The following GRAMD2B variants were observed in gnomAD, a reference collection of about 807,000 sequenced individuals.
The protein encoded by GRAMD2B is GRAM domain-containing protein 2B.
GRAMD2B carries 41 observed loss-of-function variants against 59.2 expected under a neutral mutation model. That is an observed-to-expected ratio of 0.69 (90% CI 0.54 to 0.90). The LOEUF (loss-of-function observed/expected upper bound fraction) is 0.90. Among genes scored for constraint, GRAMD2B ranks in the 40% least tolerant of loss-of-function variants. The pLI is 0.00. For synonymous variants in GRAMD2B, 161 were observed against 182.7 expected, an observed-to-expected ratio of 0.88 and a Z score of 0.96; for missense variants, 424 against 500.5, an observed-to-expected ratio of 0.85 and a Z score of 1.46.
At chr5:126,368,413 T>C (rs1394892922), upstream of GRAMD2B, among the ~76,000 whole-genome samples, 2 of 152,242 alleles carry the variant, frequency 1.3e-5, no homozygotes, top group Non-Finnish European at 1.5e-5. Context: ...TCAATGATCA[T>C]GTACTATCAA....
rs1773456271 is a variant in GRAMD2B, at chr5:126,488,964, G to A, written c.1257+72G>A. On this transcript the variant is annotated intron_variant, in intron 13 of 13. Coordinates refer to ENST00000285689, the MANE Select transcript of GRAMD2B (RefSeq NM_023927.4). ...GTTGGTTGCCCTAGGTCAGGTCAGG[G>A]ATTACACACTCAGACGCCGTTAGTG... 3 of 1,035,846 alleles carry A rather than the reference G, an allele frequency of 2.9e-6. No individual in the cohort carries two copies. The East Asian group carries it at 7.4e-5, about 26-fold the overall frequency. The allele number at this position is 1,035,846 out of a possible 1,614,324, so 64.2% of individuals were successfully genotyped here.
At chr5:126,379,039 C>T (rs1755438947) in intron 1 of GRAMD2B, among the ~76,000 whole-genome samples, 1 of 152,034 alleles carries the variant, frequency 6.6e-6, no homozygotes, top group Non-Finnish European at 1.5e-5. Flanking sequence ...AATGTGTAGT[C>T]CTTTATCCCT....
intron 1 of GRAMD2B, among the ~76,000 whole-genome samples, chr5:126,430,964 A>G (rs1761468179): frequency 6.6e-6 from 1 of 152,204 alleles, no homozygotes; most frequent in Non-Finnish European, 1.5e-5. Flanking sequence ...TTGGAACATA[A>G]TCTTCCCATA....
At chr5:126,390,228 G>T (rs2149717656) in intron 1 of GRAMD2B, among the ~76,000 whole-genome samples, 1 of 152,206 alleles carries the variant, frequency 6.6e-6, no homozygotes, top group East Asian at 1.9e-4. Context: ...TAATAAAAAA[G>T]AATGTGTTTA....
intron 3 of GRAMD2B, 124 bp downstream of exon 3, chr5:126,469,912 G>A (rs2126817237): frequency 1.6e-6 from 1 of 644,844 alleles, no homozygotes; most frequent in Non-Finnish European, 2.7e-6. Context: ...AGAGTTTAGA[G>A]AATTTAGAAG....
chr5:126,382,716 G>C (rs545097298), intron 1 of GRAMD2B, among the ~76,000 whole-genome samples: 1 of 152,188 alleles, frequency 6.6e-6, no homozygotes, highest in South Asian at 2.1e-4. Flanking sequence ...TTCCTGGTTT[G>C]GATCCATTGC....
Position 126,492,977 on chromosome 5 carries a change from A to T in GRAMD2B, c.*21A>T, listed in dbSNP as rs750741888. ...ACTGATCGACCAGATTGCTTGGGCC[A>T]TCGGAATACCTCATGTTTCCCTTTG... On this transcript the variant is annotated 3_prime_UTR_variant, in exon 14 of 14. Coordinates refer to ENST00000285689, the MANE Select transcript of GRAMD2B (RefSeq NM_023927.4). The T allele has an allele frequency of 1.2e-6, 2 of 1,603,918 alleles. No individual in the cohort carries two copies.
At chr5:126,367,238 A>G (rs1754499177), upstream of GRAMD2B, among the ~76,000 whole-genome samples, 1 of 152,156 alleles carries the variant, frequency 6.6e-6, no homozygotes, top group Non-Finnish European at 1.5e-5. Context: ...TAGCCTAAAC[A>G]CAGCATAATT....
At chr5:126,384,610 G>C (rs139204425) in intron 1 of GRAMD2B, among the ~76,000 whole-genome samples, 2 of 152,362 alleles carry the variant, frequency 1.3e-5, no homozygotes, top group East Asian at 3.9e-4. Flanking sequence ...GGTATCTTCA[G>C]TGGTCTCACA....
chr5:126,452,055 A>G (rs1333714877), intron 1 of GRAMD2B, among the ~76,000 whole-genome samples: 1 of 152,136 alleles, frequency 6.6e-6, no homozygotes, highest in African/African-American at 2.4e-5. Context: ...CTGTGAACCA[A>G]TTAAACCTCT....
At chr5:126,409,182 T>C (rs1184858674) in intron 1 of GRAMD2B, among the ~76,000 whole-genome samples, 5 of 152,194 alleles carry the variant, frequency 3.3e-5, no homozygotes, top group Non-Finnish European at 5.9e-5. Context: ...GCATGATTTA[T>C]AGTCCTTTGG....
intron 13 of GRAMD2B, among the ~76,000 whole-genome samples, chr5:126,492,458 C>T (rs2126999188): frequency 6.6e-6 from 1 of 151,906 alleles, no homozygotes. Context: ...TGGTGGCTCA[C>T]ACCTGTAATC....
At chr5:126,480,215 A>G (rs758309615) in intron 6 of GRAMD2B, 1 of 446,304 alleles carries the variant, frequency 2.2e-6, no homozygotes, top group East Asian at 3.9e-5. Context: ...TTTGCCCTAC[A>G]TGTATTTATT....
At chr5:126,404,839 G>T (rs1315271840) in intron 1 of GRAMD2B, among the ~76,000 whole-genome samples, 4 of 150,288 alleles carry the variant, frequency 2.7e-5, no homozygotes, top group African/African-American at 9.7e-5. Context: ...ATAAATCACA[G>T]AAGAAGAATT....
chr5:126,466,544 G>A (rs1768457301), intron 2 of GRAMD2B, among the ~76,000 whole-genome samples: 1 of 151,926 alleles, frequency 6.6e-6, no homozygotes, highest in South Asian at 2.1e-4. Context: ...TCCTCCCTCA[G>A]CCACCCTGGT....
chr5:126,412,320 G>A (rs1479796591), intron 1 of GRAMD2B, among the ~76,000 whole-genome samples: 2 of 152,056 alleles, frequency 1.3e-5, no homozygotes, highest in African/African-American at 4.8e-5. Context: ...TATCATGAAA[G>A]AATGTTGGAT....
intron 3 of GRAMD2B, among the ~76,000 whole-genome samples, chr5:126,471,392 T>C (rs901222838): frequency 1.3e-5 from 2 of 152,202 alleles, no homozygotes; most frequent in East Asian, 3.8e-4. Context: ...CTACTCTTAA[T>C]AGCTATATGA....
intron 1 of GRAMD2B, among the ~76,000 whole-genome samples, chr5:126,413,319 T>C (rs534548178): frequency 6.6e-6 from 1 of 152,258 alleles, no homozygotes; most frequent in Admixed American, 6.5e-5. Context: ...TTTTCATTTA[T>C]TTCAAATAAT....
chr5:126,473,840 T>C (rs548787539), intron 5 of GRAMD2B, among the ~76,000 whole-genome samples: 1 of 152,330 alleles, frequency 6.6e-6, no homozygotes, highest in Non-Finnish European at 1.5e-5. Context: ...ACTCCCTTTG[T>C]ACCCTCACCA....
Sources: allele counts gnomAD v4.1 joint callset (sites outside exome capture counted in the v4.1 genomes callset), GRCh38; gene constraint gnomAD v4.1.1; transcripts MANE v1.5; gene names NCBI Gene and HGNC (gene_info 2026-07-23, HGNC 2026-07-21).